ACYP2: variants seen among roughly 807,000 people sequenced by gnomAD.
ACYP2 encodes acylphosphatase 2.
In ACYP2, 12 loss-of-function variants were observed where a neutral mutation model predicts 11.2. That is an observed-to-expected ratio of 1.08 (90% CI 0.69 to 1.74). The LOEUF (loss-of-function observed/expected upper bound fraction) is 1.74. Among genes scored for constraint, ACYP2 ranks in the 40% most tolerant of loss-of-function variants. The probability of loss-of-function intolerance (pLI) is 0.00; values close to 1 mark genes in which losing one functional copy is unlikely to be tolerated. For synonymous variants in ACYP2, 43 were observed against 32.2 expected, an observed-to-expected ratio of 1.33 and a Z score of -1.13; for missense variants, 134 against 101.9, an observed-to-expected ratio of 1.31 and a Z score of -1.35.
chr2:54,094,116 A>T (rs72800736), intron 4 of ACYP2, among the ~76,000 whole-genome samples: 1,917 of 152,334 alleles, frequency 0.013, 23 homozygotes, highest in Non-Finnish European at 0.02. Context: ...AAAGTGGTTA[A>T]TTCTGGCTGT....
At chr2:54,240,550 C>G (rs887549265) in intron 6 of ACYP2, among the ~76,000 whole-genome samples, 6 of 152,158 alleles carry the variant, frequency 3.9e-5, no homozygotes, top group Non-Finnish European at 8.8e-5. Context: ...TCAATAATTT[C>G]TCATTCTCCA....
intron 6 of ACYP2, among the ~76,000 whole-genome samples, chr2:54,181,163 C>T (rs146272967): frequency 2.2e-3 from 330 of 152,286 alleles, no homozygotes; most frequent in African/African-American, 7.6e-3. Flanking sequence ...AAATTACCCA[C>T]TCTCATACCA....
At chr2:54,141,718 C>T (rs547740910) in intron 6 of ACYP2, among the ~76,000 whole-genome samples, 1 of 152,224 alleles carries the variant, frequency 6.6e-6, no homozygotes, top group East Asian at 1.9e-4. Flanking sequence ...CTTTCTTGGG[C>T]ATTTGTTTCC....
intron 2 of ACYP2, among the ~76,000 whole-genome samples, chr2:53,999,046 G>A (rs907978240): frequency 1.3e-5 from 2 of 152,056 alleles, no homozygotes; most frequent in Non-Finnish European, 2.9e-5. Flanking sequence ...TTAATTGTTG[G>A]GGAAGGGTAG....
At chr2:54,204,765 C>T (rs1179956837) in intron 6 of ACYP2, among the ~76,000 whole-genome samples, 3 of 152,186 alleles carry the variant, frequency 2.0e-5, no homozygotes, top group African/African-American at 7.2e-5. Flanking sequence ...CTGCTCTTTT[C>T]TCTCTTGCTG....
chr2:54,192,507 A>G (rs1242694427), intron 6 of ACYP2, among the ~76,000 whole-genome samples: 2 of 152,202 alleles, frequency 1.3e-5, no homozygotes, highest in African/African-American at 4.8e-5. Flanking sequence ...AAGATAACAT[A>G]TCCAGTTTTA....
At chr2:54,034,511 T>C (rs1025692364) in intron 2 of ACYP2, among the ~76,000 whole-genome samples, 1 of 152,238 alleles carries the variant, frequency 6.6e-6, no homozygotes, top group Non-Finnish European at 1.5e-5. Flanking sequence ...CTAGGAGTGA[T>C]AGTCTATCCC....
chr2:54,066,571 C>T (rs1676762370), intron 4 of ACYP2, among the ~76,000 whole-genome samples: 1 of 152,164 alleles, frequency 6.6e-6, no homozygotes, highest in Non-Finnish European at 1.5e-5. Context: ...CTATGCCAAA[C>T]CAATGTGCCA....
At chr2:54,182,288 G>C (rs1329841586) in intron 6 of ACYP2, among the ~76,000 whole-genome samples, 1 of 151,714 alleles carries the variant, frequency 6.6e-6, no homozygotes, top group African/African-American at 2.4e-5. Flanking sequence ...TCAAACTCCT[G>C]CCCTCATGAT....
At chr2:54,266,588 A>ATTTTTTT (rs1558655792) in intron 6 of ACYP2, among the ~76,000 whole-genome samples, 9 of 91,128 alleles carry the variant, frequency 9.9e-5, no homozygotes, top group Non-Finnish European at 1.5e-4. Flanking sequence ...ATATCTATCT[A>ATTTTTTT]TCTTTTTTTT....
intron 6 of ACYP2, among the ~76,000 whole-genome samples, chr2:54,257,790 A>G (rs1277530379): frequency 6.6e-6 from 1 of 152,228 alleles, no homozygotes; most frequent in African/African-American, 2.4e-5. Flanking sequence ...GATGAAATAT[A>G]TGGCTTCATA....
At chr2:54,276,648 C>G (rs1280552451) in intron 6 of ACYP2, among the ~76,000 whole-genome samples, 1 of 145,026 alleles carries the variant, frequency 6.9e-6, no homozygotes, top group Non-Finnish European at 1.5e-5. Flanking sequence ...CACACACACA[C>G]ACACACACAC....
chr2:53,996,989 C>T (rs1410712313), intron 2 of ACYP2, among the ~76,000 whole-genome samples: 1 of 152,224 alleles, frequency 6.6e-6, no homozygotes, highest in East Asian at 1.9e-4. Context: ...TGACACACGA[C>T]TAGCCCCAAT....
At chr2:53,992,942 A>C (rs1356243646) in intron 2 of ACYP2, among the ~76,000 whole-genome samples, 1 of 151,984 alleles carries the variant, frequency 6.6e-6, no homozygotes. Flanking sequence ...TGGCTCACTC[A>C]CACCTGTAAT....
intron 6 of ACYP2, among the ~76,000 whole-genome samples, chr2:54,175,417 C>G (rs1321940545): frequency 6.6e-6 from 1 of 151,932 alleles, no homozygotes; most frequent in South Asian, 2.1e-4. Context: ...TGATTCTTCT[C>G]TCTTTCCTTC....
intron 6 of ACYP2, among the ~76,000 whole-genome samples, chr2:54,209,744 A>G (rs950795781): frequency 1.3e-5 from 2 of 152,130 alleles, no homozygotes; most frequent in African/African-American, 4.8e-5. Flanking sequence ...GCATCCCACC[A>G]TTTCTGGCCA....
intron 6 of ACYP2, among the ~76,000 whole-genome samples, chr2:54,158,053 G>C (rs1484784195): frequency 6.6e-6 from 1 of 150,852 alleles, no homozygotes; most frequent in African/African-American, 2.4e-5. Flanking sequence ...TGAGATGGAG[G>C]CTCACTCCAG....
chr2:54,127,099 CTTTTT>C (rs34900505), intron 4 of ACYP2, among the ~76,000 whole-genome samples: 1 of 131,164 alleles, frequency 7.6e-6, no homozygotes. Context: ...TGAATAGCTG[CTTTTT>C]TTTTTTTTTT....
chr2:54,237,777 G>A (rs779292781), intron 6 of ACYP2, among the ~76,000 whole-genome samples: 1 of 152,024 alleles, frequency 6.6e-6, no homozygotes, highest in African/African-American at 2.4e-5. Flanking sequence ...ACTTGAATCT[G>A]TGCTTTTGGC....
Sources: gnomAD v4.1 joint callset for allele counts (sites outside exome capture counted in the v4.1 genomes callset) on GRCh38, gnomAD v4.1.1 for gene constraint, MANE v1.5 for transcripts, NCBI Gene and HGNC (gene_info 2026-07-23, HGNC 2026-07-21) for gene names.